CLNK: variants seen among roughly 807,000 people sequenced by gnomAD.
CLNK encodes the protein cytokine-dependent hematopoietic cell linker.
Under a neutral mutation model 68.6 loss-of-function variants are expected in CLNK, and 74 were observed. The observed-to-expected ratio is 1.08, with a 90% CI of 0.89 to 1.31. The LOEUF (loss-of-function observed/expected upper bound fraction) is 1.31. CLNK is among the 50% of genes most tolerant of loss of function. The probability of loss-of-function intolerance (pLI) is 0.00; values close to 1 mark genes in which losing one functional copy is unlikely to be tolerated. For synonymous variants in CLNK, 198 were observed against 172.2 expected (o/e 1.15, Z -1.17); for missense variants, 553 against 515.3 (o/e 1.07, Z -0.71).
the CLNK span, among the ~76,000 whole-genome samples, chr4:10,694,977 T>C: frequency 1.3e-5 from 2 of 152,182 alleles, no homozygotes; most frequent in African/African-American, 4.8e-5. Context: ...TGAATAATCA[T>C]GCAATGAACT....
chr4:10,511,902 C>A lies in CLNK; in HGVS notation c.906+1562G>T, dbSNP rs549836290. On this transcript the variant is annotated intron_variant, in intron 16 of 18. Coordinates refer to ENST00000226951, the MANE Select transcript of CLNK (RefSeq NM_052964.4). ...AATGGAATACTTCTAAAGTCACTTTCTACAATATATAATACTAGTTAAAAA... is the reference window on the plus strand; with the variant it reads ...AATGGAATACTTCTAAAGTCACTTTATACAATATATAATACTAGTTAAAAA... 3.3e-5 allele frequency among the ~76,000 whole-genome samples: 5 copies of A among 152,270 alleles called. No individual in the cohort carries two copies. The East Asian group carries it at 9.6e-4, about 29-fold the overall frequency.
intron 2 of CLNK, among the ~76,000 whole-genome samples, chr4:10,611,220 A>G (rs1722004191): frequency 6.6e-6 from 1 of 152,264 alleles, no homozygotes; most frequent in African/African-American, 2.4e-5. Context: ...TGGGAGGCTG[A>G]GGCAGGAGAA....
Position 10,571,797 on chromosome 4 carries a change from C to G in CLNK, c.113-19G>C. 6.2e-7 allele frequency: 1 copy of G among 1,607,486 alleles called. No individual in the cohort carries two copies. The highest frequency in any genetic ancestry group is 1.1e-5 in the South Asian group (1 of 90,762). ...TACTGGCCTGCCAACACAAACAGACCGAGTGTTATTTTAATCACTGTGGTA... is the reference window on the plus strand; with the variant it reads ...TACTGGCCTGCCAACACAAACAGACGGAGTGTTATTTTAATCACTGTGGTA... On this transcript the variant is annotated intron_variant, in intron 4 of 18. Coordinates refer to ENST00000226951, the MANE Select transcript of CLNK (RefSeq NM_052964.4).
the CLNK span, among the ~76,000 whole-genome samples, chr4:10,690,066 T>C: frequency 6.6e-6 from 1 of 152,288 alleles, no homozygotes; most frequent in South Asian, 2.1e-4. Context: ...GAATTTAAAC[T>C]GCCATGGTCT....
chr4:10,699,045 C>T, the CLNK span, among the ~76,000 whole-genome samples: 82 of 152,086 alleles, frequency 5.4e-4, no homozygotes, highest in African/African-American at 1.9e-3. Context: ...ACACCATTGG[C>T]TTTCCCAGTT....
intron 2 of CLNK, among the ~76,000 whole-genome samples, chr4:10,659,892 A>C (rs1724127207): frequency 6.6e-6 from 1 of 152,184 alleles, no homozygotes; most frequent in Admixed American, 6.5e-5. Context: ...TTTTACTGTC[A>C]GGTGTACTTG....
chr4:10,616,823 T>TATAC (rs1491345104), intron 2 of CLNK, among the ~76,000 whole-genome samples: 1 of 29,174 alleles, frequency 3.4e-5, no homozygotes, highest in Non-Finnish European at 9.6e-5. Flanking sequence ...TATATATATA[T>TATAC]ACACGCATTT....
At chr4:10,727,805 A>C in the CLNK span, among the ~76,000 whole-genome samples, 1 of 152,224 alleles carries the variant, frequency 6.6e-6, no homozygotes, top group East Asian at 1.9e-4. Context: ...AATAAACTAG[A>C]ACAGTGGTTC....
intron 2 of CLNK, among the ~76,000 whole-genome samples, chr4:10,659,279 T>A (rs980372587): frequency 2.5e-4 from 38 of 152,248 alleles, no homozygotes; most frequent in African/African-American, 8.9e-4. Context: ...CTGATTCAAT[T>A]GGCTACAGCG....
intron 2 of CLNK, among the ~76,000 whole-genome samples, chr4:10,664,724 T>C (rs531091858): frequency 6.6e-6 from 1 of 152,340 alleles, no homozygotes; most frequent in East Asian, 1.9e-4. Context: ...ATGCTGACAC[T>C]GCTGCTGTGC....
At chr4:10,523,898 G>T (rs1353681482) in intron 14 of CLNK, 6 of 359,558 alleles carry the variant, frequency 1.7e-5, no homozygotes, top group Non-Finnish European at 3.3e-5. Context: ...GGTGGCATGT[G>T]CCTATAGTTC....
At chr4:10,696,527 G>A in the CLNK span, among the ~76,000 whole-genome samples, 18 of 152,200 alleles carry the variant, frequency 1.2e-4, no homozygotes, top group Non-Finnish European at 2.4e-4. Flanking sequence ...TTTAACATTG[G>A]AAGATGTAAG....
At chr4:10,605,083 T>C (rs1721734676) in intron 2 of CLNK, among the ~76,000 whole-genome samples, 1 of 152,202 alleles carries the variant, frequency 6.6e-6, no homozygotes, top group South Asian at 2.1e-4. Context: ...TGCCTGAGTT[T>C]CCAGCCTATT....
intron 2 of CLNK, among the ~76,000 whole-genome samples, chr4:10,632,804 C>T (rs958676557): frequency 2.0e-5 from 3 of 152,200 alleles, no homozygotes; most frequent in Admixed American, 1.3e-4. Context: ...TTTCAATGCT[C>T]TCACTACTTT....
intron 3 of CLNK, among the ~76,000 whole-genome samples, chr4:10,591,673 G>T (rs58159883): frequency 6.6e-6 from 1 of 152,096 alleles, no homozygotes; most frequent in Non-Finnish European, 1.5e-5. Flanking sequence ...TGCCTGGCAC[G>T]TAGTAGGAAA....
At chr4:10,543,613 G>A (rs1412656492) in intron 8 of CLNK, among the ~76,000 whole-genome samples, 3 of 152,186 alleles carry the variant, frequency 2.0e-5, no homozygotes, top group African/African-American at 7.2e-5. Flanking sequence ...TGCACCGCCT[G>A]TTTAGATTCC....
intron 2 of CLNK, among the ~76,000 whole-genome samples, chr4:10,606,349 G>A (rs935620205): frequency 6.6e-6 from 1 of 152,084 alleles, no homozygotes; most frequent in African/African-American, 2.4e-5. Context: ...TGACACGCAT[G>A]GAGTTGTCAT....
intron 17 of CLNK, among the ~76,000 whole-genome samples, chr4:10,503,878 G>A (rs980228847): frequency 2.2e-5 from 3 of 133,650 alleles, no homozygotes; most frequent in African/African-American, 2.7e-5. Context: ...CGCCTCCAGG[G>A]TTAAAGTGAT....
intron 2 of CLNK, among the ~76,000 whole-genome samples, chr4:10,620,890 C>G (rs1722422495): frequency 2.0e-5 from 3 of 149,980 alleles, no homozygotes; most frequent in African/African-American, 7.4e-5. Flanking sequence ...ATCACAAGGT[C>G]AGGAGATCAA....
Sources: gnomAD v4.1 joint callset for allele counts (sites outside exome capture counted in the v4.1 genomes callset) on GRCh38, gnomAD v4.1.1 for gene constraint, MANE v1.5 for transcripts, NCBI Gene and HGNC (gene_info 2026-07-23, HGNC 2026-07-21) for gene names.